The following IGFL4 variants were observed in gnomAD, a reference collection of about 807,000 sequenced individuals.
IGFL4 encodes the protein insulin growth factor-like family member 4.
In IGFL4, 12 loss-of-function variants were observed where a neutral mutation model predicts 15.4. The observed-to-expected ratio is 0.78, with a 90% confidence interval of 0.50 to 1.26. The LOEUF is 1.26. Ranked by LOEUF, IGFL4 falls within the 50% of genes most tolerant of loss-of-function variation. IGFL4 has a pLI of 0.00. For missense variants in IGFL4, 126 were observed against 147.8 expected, an observed-to-expected ratio of 0.85 and a Z score of 0.76; for synonymous variants, 54 against 55.9, an observed-to-expected ratio of 0.97 and a Z score of 0.16.
At chr19:46,071,064 C>A (rs974685919) in intron 1 of IGFL4, among the ~76,000 whole-genome samples, 2 of 151,968 alleles carry the variant, frequency 1.3e-5, no homozygotes, top group Admixed American at 1.3e-4. Flanking sequence ...CCCAAGATGG[C>A]GTTTGTTTGC....
chr19:46,053,156 C>T (rs1314956782), intron 2 of IGFL4, among the ~76,000 whole-genome samples: 1 of 152,104 alleles, frequency 6.6e-6, no homozygotes, highest in Non-Finnish European at 1.5e-5. Flanking sequence ...TAGTCACTTA[C>T]ACTGCAATAT....
chr19:46,040,269 TGGAAGCAGGGCC>T lies in IGFL4; in HGVS notation c.206_217del (p.Trp69_Gln73delinsTer), dbSNP rs148950533. On this transcript the variant is annotated stop_gained and inframe_deletion, in exon 3 of 4. Coordinates refer to ENST00000377697, the MANE Select transcript of IGFL4 (RefSeq NM_001002923.3). LOFTEE classifies it high-confidence loss of function. The surrounding 1 kb of genome is among the most constrained non-coding windows in gnomAD (Gnocchi z 4.1). ...GCCCAAAGACTCCAGGCAGCAGTGC[TGGAAGCAGGGCC>T]AGAAGGTGCAGCTGGAGCCGCAGAG... 3,263 of 1,614,126 alleles carry T rather than the reference TGGAAGCAGGGCC, an allele frequency of 2.0e-3. 65 individuals carry two copies. The African/African-American group carries it at 0.037, about 18-fold the overall frequency.
intron 2 of IGFL4, among the ~76,000 whole-genome samples, chr19:46,053,136 T>G (rs568852092): frequency 3.3e-5 from 5 of 152,218 alleles, no homozygotes; most frequent in African/African-American, 1.2e-4. Context: ...TTATTTGAAG[T>G]GGGGAATATT....
intron 2 of IGFL4, among the ~76,000 whole-genome samples, chr19:46,047,403 G>A (rs981617027): frequency 6.7e-6 from 1 of 149,498 alleles, no homozygotes; most frequent in African/African-American, 2.4e-5. Flanking sequence ...ACCAAGATAA[G>A]TTATTGGTTA....
At chr19:46,041,837 C>T (rs1256496185), upstream of IGFL4, among the ~76,000 whole-genome samples, 8 of 109,866 alleles carry the variant, frequency 7.3e-5, no homozygotes, top group African/African-American at 2.4e-4. Context: ...TCCTCTCTCT[C>T]TTTTTTTTTT....
At position 46,073,866 on chromosome 19, in the gene IGFL4, G is replaced by C. The variant is rs558673661; in HGVS notation, c.-432+3154C>G. On this transcript the variant is annotated intron_variant, in intron 1 of 5. Coordinates refer to the IGFL4 transcript ENST00000601672. ...TCAGAATGACTGAAAGTATTTTTTT[G>C]TAATGAGAAGCCAAATTATTGTAAC... Among the ~76,000 whole-genome samples, 144 of 152,156 alleles carry C rather than the reference G, an allele frequency of 9.5e-4. 1 individual carries two copies. The highest frequency in any genetic ancestry group is 3.3e-3 in the African/African-American group (139 of 41,520).
At chr19:46,042,801 G>C (rs1969258884), upstream of IGFL4, among the ~76,000 whole-genome samples, 1 of 152,194 alleles carries the variant, frequency 6.6e-6, no homozygotes, top group Non-Finnish European at 1.5e-5. Flanking sequence ...TAGGGAGGTA[G>C]AAAGCCTCAT....
chr19:46,059,010 G>A (rs1969419914), intron 2 of IGFL4: 1 of 152,190 alleles, frequency 6.6e-6, no homozygotes, highest in Admixed American at 6.5e-5. Context: ...GGGTAGGAGT[G>A]TCTTTTAGCA....
chr19:46,042,535 ACTAT>A (rs1969256555), upstream of IGFL4, among the ~76,000 whole-genome samples: 1 of 152,334 alleles, frequency 6.6e-6, no homozygotes, highest in African/African-American at 2.4e-5. Context: ...GTATAATTGA[ACTAT>A]CTATGTAGAA....
chr19:46,055,759 A>C (rs1446328182), intron 2 of IGFL4, among the ~76,000 whole-genome samples: 18 of 152,044 alleles, frequency 1.2e-4, no homozygotes, highest in Non-Finnish European at 4.4e-5. Flanking sequence ...GACAGCAAAA[A>C]GTTTTGTGAG....
Position 46,039,747 on chromosome 19 carries a change from C to A in IGFL4, c.*145G>T, listed in dbSNP as rs1045405593. The stretch of plus-strand genomic sequence containing the variant: ...TGATTTTTGTACATTGATTTTGTAT[C>A]CTGAGACTTTGCTGAAGTTGCTTAT... On this transcript the variant is annotated 3_prime_UTR_variant, in exon 4 of 4. Coordinates refer to ENST00000377697, the MANE Select transcript of IGFL4 (RefSeq NM_001002923.3). 8.6e-6 allele frequency: 6 copies of A among 698,430 alleles called. No individual in the cohort carries two copies. Among genetic ancestry groups the A allele is most frequent in the Non-Finnish European group, 1.6e-5 (6 of 384,848 alleles). The allele number at this position is 698,430 out of a possible 1,614,324, so 43.3% of individuals were successfully genotyped here.
At chr19:46,076,153 A>G (rs965835466) in intron 1 of IGFL4, among the ~76,000 whole-genome samples, 1 of 152,180 alleles carries the variant, frequency 6.6e-6, no homozygotes, top group Non-Finnish European at 1.5e-5. Flanking sequence ...GCACTTTTAT[A>G]TGGGCACTAA....
intron 2 of IGFL4, chr19:46,057,797 C>T (rs1235302814): frequency 6.6e-6 from 1 of 152,106 alleles, no homozygotes; most frequent in Admixed American, 6.5e-5. Flanking sequence ...AAAGAGAGAG[C>T]TTGTGCAAGG....
At chr19:46,066,577 T>C (rs1037513660) in intron 1 of IGFL4, among the ~76,000 whole-genome samples, 8 of 152,196 alleles carry the variant, frequency 5.3e-5, no homozygotes, top group African/African-American at 1.9e-4. Flanking sequence ...ATAGGAAGCA[T>C]GGTGCTGGCA....
At chr19:46,061,504 T>TGGCA (rs1969444578) in intron 1 of IGFL4, among the ~76,000 whole-genome samples, 1 of 152,178 alleles carries the variant, frequency 6.6e-6, no homozygotes, top group Non-Finnish European at 1.5e-5. Context: ...ATTGGATTAC[T>TGGCA]GGCAGGGTGG....
At chr19:46,045,862 C>A (rs533562876), upstream of IGFL4, among the ~76,000 whole-genome samples, 4 of 152,286 alleles carry the variant, frequency 2.6e-5, no homozygotes, top group Admixed American at 1.3e-4. Context: ...TCCAGGAGAA[C>A]TTCCCCAAAC....
intron 2 of IGFL4, chr19:46,059,932 A>G (rs902456868): frequency 6.6e-6 from 1 of 152,142 alleles, no homozygotes; most frequent in Non-Finnish European, 1.5e-5. Flanking sequence ...CCAATCAGAA[A>G]GTGACATTCT....
At chr19:46,049,938 G>T (rs895723096) in intron 2 of IGFL4, among the ~76,000 whole-genome samples, 3 of 152,206 alleles carry the variant, frequency 2.0e-5, no homozygotes, top group African/African-American at 7.2e-5. Context: ...CTCCACCAGG[G>T]TAGGTGCTGG....
chr19:46,063,362 CACACAT>C (rs778586229), intron 1 of IGFL4, among the ~76,000 whole-genome samples: 1 of 143,492 alleles, frequency 7.0e-6, no homozygotes, highest in African/African-American at 2.6e-5. Flanking sequence ...CACACACACA[CACACAT>C]ACACGATCCC....
Sources: allele counts gnomAD v4.1 joint callset (sites outside exome capture counted in the v4.1 genomes callset), GRCh38; gene constraint gnomAD v4.1.1; non-coding constraint Gnocchi (gnomAD v3.1); transcripts MANE v1.5; gene names NCBI Gene and HGNC (gene_info 2026-07-23, HGNC 2026-07-21).